The following MROH7 variants were observed in gnomAD, a reference collection of about 807,000 sequenced individuals.
MROH7 encodes the protein maestro heat-like repeat-containing protein family member 7.
Under a neutral mutation model 129.2 loss-of-function variants are expected in MROH7, and 113 were observed. The observed-to-expected ratio is 0.87, with a 90% CI of 0.75 to 1.02. The LOEUF (loss-of-function observed/expected upper bound fraction) is 1.02, where lower values mean the gene tolerates loss of function less well. Ranked by LOEUF, MROH7 falls within the 50% of genes least tolerant of loss-of-function variation. The pLI, the probability that MROH7 is intolerant of heterozygous loss-of-function variation, is 0.00. For missense variants in MROH7, 1,601 were observed against 1,671.3 expected, an observed-to-expected ratio of 0.96 and a Z score of 0.73; for synonymous variants, 655 against 667.9, an observed-to-expected ratio of 0.98 and a Z score of 0.30.
At chr1:54,656,717 G>A (rs1434260109) in intron 3 of MROH7, among the ~76,000 whole-genome samples, 1 of 151,860 alleles carries the variant, frequency 6.6e-6, no homozygotes, top group Non-Finnish European at 1.5e-5. Flanking sequence ...AGCTACTTAG[G>A]AGGCTCCTAC....
At chr1:54,681,410 G>C (rs772285629) in intron 13 of MROH7, among the ~76,000 whole-genome samples, 2 of 152,192 alleles carry the variant, frequency 1.3e-5, no homozygotes, top group African/African-American at 4.8e-5. Flanking sequence ...CAAGTTACAA[G>C]GGTCACTGCA....
chr1:54,709,036 G>A lies in MROH7; in HGVS notation c.3690G>A (p.Glu1230=), dbSNP rs1277969001. 6.2e-7 allele frequency: 1 copy of A among 1,614,212 alleles called. No homozygotes were observed. The highest frequency in any genetic ancestry group is 1.7e-5 in the Admixed American group (1 of 60,024). Residue 1230 remains glutamate (E), a synonymous_variant, in exon 23 of 24, where the codon GAG becomes GAA. Coordinates refer to ENST00000421030, the MANE Select transcript of MROH7 (RefSeq NM_001039464.4). ...MFIGSLVPCM[E]SIMTEDRLNE... The stretch of plus-strand genomic sequence containing the variant: ...AAGGGTCCCTGGTCCCCTGCATGGA[G>A]AGCATAATGACAGAAGATCGTCTGA...
At chr1:54,682,330 A>G (rs1320609211) in intron 13 of MROH7, among the ~76,000 whole-genome samples, 2 of 151,384 alleles carry the variant, frequency 1.3e-5, no homozygotes, top group African/African-American at 4.8e-5. Flanking sequence ...ATGCCCAGCT[A>G]ATTTTTTTTG....
At chr1:54,697,492 G>T (rs576523945) in intron 17 of MROH7, 2 of 516,432 alleles carry the variant, frequency 3.9e-6, no homozygotes, top group South Asian at 3.1e-5. Context: ...CCTTGGGGTC[G>T]GGAGTCCTGG....
Position 54,669,065 on chromosome 1 carries a change from A to T in MROH7, c.1389+128A>T. 4.5e-6 allele frequency: 3 copies of T among 663,872 alleles called. No homozygotes were observed. In the Admixed American group the frequency reaches 7.7e-5, roughly 17 times the overall value. 41.1% of individuals were successfully genotyped at this position (663,872 alleles called of 1,614,324 possible). On this transcript the variant is annotated intron_variant, in intron 5 of 23. Transcript: ENST00000421030. Reference sequence around the variant, plus strand: ...AGAGGACGGGATGAGGAGGCAGGACATCGGGAATTGAGTCTCAGCTCCACC... The same window carrying T: ...AGAGGACGGGATGAGGAGGCAGGACTTCGGGAATTGAGTCTCAGCTCCACC...
At chr1:54,682,149 T>G (rs1645079392) in intron 13 of MROH7, among the ~76,000 whole-genome samples, 1 of 138,478 alleles carries the variant, frequency 7.2e-6, no homozygotes, top group Non-Finnish European at 1.5e-5. Context: ...ATAGGGTTTC[T>G]TTCTTTCTTT....
At chr1:54,667,731 C>T (rs1423288196) in intron 4 of MROH7, among the ~76,000 whole-genome samples, 2 of 151,086 alleles carry the variant, frequency 1.3e-5, no homozygotes, top group African/African-American at 2.4e-5. Flanking sequence ...GCTGGGATTA[C>T]AGGCATGAGC....
chr1:54,646,898 G>A lies in MROH7; in HGVS notation c.-110+4930G>A, dbSNP rs531016765. On this transcript the variant is annotated intron_variant, in intron 1 of 23. Transcript: ENST00000421030. ...TTATATAAAGGGAGTCGTATAATATGTGGTCTTTTGTGACCAGCTACTTTC... is the reference window on the plus strand; with the variant it reads ...TTATATAAAGGGAGTCGTATAATATATGGTCTTTTGTGACCAGCTACTTTC... Among the ~76,000 whole-genome samples, 128 of 152,320 alleles carry A rather than the reference G, an allele frequency of 8.4e-4. 1 individual carries two copies. The highest frequency in any genetic ancestry group is 3.1e-3 in the African/African-American group (127 of 41,566).
chr1:54,678,818 T>C lies in MROH7; in HGVS notation c.2013T>C (p.Pro671=), dbSNP rs1195581160. 6.2e-7 allele frequency: 1 copy of C among 1,613,386 alleles called. No individual in the cohort carries two copies. The highest frequency in any genetic ancestry group is 1.3e-5 in the African/African-American group (1 of 74,766). The change falls in exon 11 of 24, where the codon CCT becomes CCC. Residue 671 remains proline, a synonymous_variant. Coordinates refer to ENST00000421030, the MANE Select transcript of MROH7 (RefSeq NM_001039464.4). The part of the protein sequence containing the change: ...SNKHFLGPYN[P]VSPCQNILRV... ...AGCATTTCCTGGGGCCCTACAACCC[T>C]GTGAGCCCGTGCCAGAACATTCTGC...
At chr1:54,642,316 T>C (rs554129104) in intron 1 of MROH7, among the ~76,000 whole-genome samples, 2 of 152,302 alleles carry the variant, frequency 1.3e-5, no homozygotes, top group Admixed American at 1.3e-4. Flanking sequence ...AGGGCATCTG[T>C]CCAGGTCCAC....
chr1:54,693,330 G>A (rs1645268964), intron 16 of MROH7, among the ~76,000 whole-genome samples: 1 of 152,078 alleles, frequency 6.6e-6, no homozygotes, highest in Non-Finnish European at 1.5e-5. Context: ...TGTGCCTGTA[G>A]TCCCAGCCAC....
chr1:54,691,626 A>G (rs113732202), intron 15 of MROH7, among the ~76,000 whole-genome samples: 5,807 of 151,856 alleles, frequency 0.038, 365 homozygotes, highest in African/African-American at 0.13. Context: ...GCCAACATGG[A>G]GAAACCCCGT....
intron 7 of MROH7, 81 bp from the exon 8 acceptor site, chr1:54,673,010 C>A (rs1468894980): frequency 6.1e-6 from 6 of 980,602 alleles, no homozygotes; most frequent in Non-Finnish European, 8.0e-6. Context: ...CCCCTCCTCC[C>A]CTGACCTACA....
intron 1 of MROH7, among the ~76,000 whole-genome samples, chr1:54,648,204 A>G (rs1011173418): frequency 2.0e-5 from 3 of 151,846 alleles, no homozygotes; most frequent in Non-Finnish European, 2.9e-5. Flanking sequence ...TTCTTTCCCT[A>G]TTAATGGAGG....
chr1:54,673,667 C>A (rs1375208058), intron 8 of MROH7, 34 bp from the exon 9 acceptor site: 3 of 1,531,468 alleles, frequency 2.0e-6, no homozygotes, highest in African/African-American at 2.7e-5. Flanking sequence ...TGTCATCTAA[C>A]CTGTAGTTCT....
intron 15 of MROH7, among the ~76,000 whole-genome samples, chr1:54,689,305 A>G (rs1405237286): frequency 6.6e-6 from 1 of 152,172 alleles, no homozygotes; most frequent in African/African-American, 2.4e-5. Flanking sequence ...CAGAAGCCAG[A>G]ATAGGCAAGG....
intron 16 of MROH7, among the ~76,000 whole-genome samples, chr1:54,694,178 G>A (rs776691478): frequency 6.6e-5 from 10 of 152,296 alleles, no homozygotes; most frequent in Admixed American, 3.9e-4. Context: ...CACGTCCCTC[G>A]GTGAAATAGC....
chr1:54,665,305 C>A lies in MROH7; in HGVS notation c.1305+65C>A. 4 of 1,293,966 alleles carry A rather than the reference C, an allele frequency of 3.1e-6. No homozygotes were observed. The South Asian group carries it at 4.9e-5, about 16-fold the overall frequency. The allele number at this position is 1,293,966 out of a possible 1,614,324, so 80.2% of individuals were successfully genotyped here. A position where few individuals can be genotyped will look rare whatever the true frequency, so the allele number is the denominator to read the frequency against. On this transcript the variant is annotated intron_variant, in intron 4 of 23. Transcript: ENST00000421030. ...TACTTCCATCCTGCCAACCCCCTAC[C>A]CCCCAGCCCAGCAGCCTCCGCATTC...
chr1:54,700,230 T>C (rs1181211531), intron 17 of MROH7, 91 bp from the exon 18 acceptor site: 1 of 1,545,230 alleles, frequency 6.5e-7, no homozygotes, highest in Non-Finnish European at 8.9e-7. Flanking sequence ...GAGCTGAGCC[T>C]GGTATCCAAT....
Sources: gnomAD v4.1 joint callset for allele counts (sites outside exome capture counted in the v4.1 genomes callset) on GRCh38, gnomAD v4.1.1 for gene constraint, MANE v1.5 for transcripts, NCBI Gene and HGNC (gene_info 2026-07-23, HGNC 2026-07-21) for gene names.